Variants in UNC13C observed in about 807,000 individuals in gnomAD.
The protein encoded by UNC13C is protein unc-13 homolog C.
A neutral mutation model predicts 245.4 loss-of-function variants in UNC13C; 174 were observed. That is an observed-to-expected ratio of 0.71 (90% CI 0.63 to 0.80). The LOEUF (loss-of-function observed/expected upper bound fraction) is 0.80. Ranked by LOEUF, UNC13C falls within the 30% of genes least tolerant of loss-of-function variation. The pLI is 0.00. For synonymous variants in UNC13C, 992 were observed against 895.1 expected (o/e 1.11, Z -1.93); for missense variants, 2,829 against 2,602.9 (o/e 1.09, Z -1.89).
chr15:54,123,266 T>C (rs537920438), intron 2 of UNC13C, among the ~76,000 whole-genome samples: 109 of 152,014 alleles, frequency 7.2e-4, no homozygotes, highest in African/African-American at 2.6e-3. Context: ...TCAACTCTTT[T>C]GTCCACTTGT....
In UNC13C at chr15:54,013,585, C is replaced by G. The variant is rs768005304; in HGVS notation, c.682C>G (p.Pro228Ala). ...AAACCCAAAGACAAATGCCCTGGAG[C>G]CAGGGTTCAGTTCCTCTGGCTGCAT... ...VRNPKTNALE[P>A]GFSSSGCISQ... is the part of the protein sequence containing the mutation. Residue 228 changes from proline to alanine, a missense_variant, in exon 2 of 33, where the codon CCA becomes GCA. Transcript: ENST00000260323. 6.2e-7 allele frequency: 1 copy of G among 1,613,512 alleles called. No homozygotes were observed. The highest frequency in any genetic ancestry group is 1.1e-5 in the South Asian group (1 of 91,034).
At chr15:54,528,318 CT>C (rs33919757) in intron 25 of UNC13C, among the ~76,000 whole-genome samples, 68,961 of 140,884 alleles carry the variant, frequency 0.49, 17,164 homozygotes, top group Middle Eastern at 0.67. Flanking sequence ...TGGTTTGCTC[CT>C]TTTTTTTTTT....
At chr15:54,454,126 TA>T (rs1362089207) in intron 19 of UNC13C, among the ~76,000 whole-genome samples, 5 of 151,494 alleles carry the variant, frequency 3.3e-5, no homozygotes, top group Non-Finnish European at 5.9e-5. Context: ...TTTATTGTGA[TA>T]TATATATATA....
intron 17 of UNC13C, among the ~76,000 whole-genome samples, chr15:54,351,473 G>A (rs2038981177): frequency 6.6e-6 from 1 of 152,086 alleles, no homozygotes; most frequent in South Asian, 2.1e-4. Context: ...TTGCCTAATA[G>A]TCTGTATTAT....
At chr15:53,898,378 C>T in the UNC13C span, among the ~76,000 whole-genome samples, 4 of 151,796 alleles carry the variant, frequency 2.6e-5, no homozygotes, top group African/African-American at 9.7e-5. Context: ...CTAACTGATT[C>T]TAAAAGTCTA....
At chr15:54,345,884 A>C (rs1367648234) in intron 17 of UNC13C, among the ~76,000 whole-genome samples, 1 of 152,146 alleles carries the variant, frequency 6.6e-6, no homozygotes, top group Non-Finnish European at 1.5e-5. Flanking sequence ...GATTCAGTAC[A>C]TTAAACTCCA....
intron 4 of UNC13C, among the ~76,000 whole-genome samples, chr15:54,216,772 C>A (rs549733481): frequency 1.2e-4 from 19 of 152,060 alleles, no homozygotes; most frequent in African/African-American, 4.6e-4. Context: ...TTTTCCCTTG[C>A]CTCACAAGCG....
the UNC13C span, among the ~76,000 whole-genome samples, chr15:53,928,510 T>A: frequency 6.6e-6 from 1 of 152,300 alleles, no homozygotes; most frequent in African/African-American, 2.4e-5. Flanking sequence ...CTGCAGAGAT[T>A]TTGTTTATGG....
the UNC13C span, among the ~76,000 whole-genome samples, chr15:53,961,581 G>A: frequency 6.6e-6 from 1 of 152,168 alleles, no homozygotes; most frequent in African/African-American, 2.4e-5. Flanking sequence ...TTTTCTTACT[G>A]TGTGACCTCT....
At chr15:54,570,638 T>C (rs1897712704) in intron 30 of UNC13C, among the ~76,000 whole-genome samples, 1 of 152,222 alleles carries the variant, frequency 6.6e-6, no homozygotes, top group South Asian at 2.1e-4. Context: ...TCAATATTCA[T>C]GACCATAGAC....
chr15:54,603,934 T>G (rs1318443032), intron 30 of UNC13C, among the ~76,000 whole-genome samples: 1 of 152,158 alleles, frequency 6.6e-6, no homozygotes, highest in East Asian at 1.9e-4. Flanking sequence ...TTTTTCCTCC[T>G]ACCTGACTGA....
In UNC13C at chr15:54,606,138, T is replaced by A. The variant is rs546817164; in HGVS notation, c.6107-16189T>A. On this transcript the variant is annotated intron_variant, in intron 30 of 32. Coordinates refer to ENST00000260323, the MANE Select transcript of UNC13C (RefSeq NM_001080534.3). ...AAGTATAAAAGAAAAGTACAATTAGTGAGCAAACATTCTATTACTTGTCGT... is the reference window on the plus strand; with the variant it reads ...AAGTATAAAAGAAAAGTACAATTAGAGAGCAAACATTCTATTACTTGTCGT... 2.0e-5 allele frequency among the ~76,000 whole-genome samples: 3 copies of A among 152,346 alleles called. No individual in the cohort carries two copies. The South Asian group carries it at 6.2e-4, about 32-fold the overall frequency.
chr15:54,449,588 T>G (rs561188953), intron 19 of UNC13C, among the ~76,000 whole-genome samples: 1 of 152,348 alleles, frequency 6.6e-6, no homozygotes, highest in South Asian at 2.1e-4. Flanking sequence ...GCTTGTGCAT[T>G]CATCACATAG....
chr15:54,141,243 C>T (rs562618409), intron 2 of UNC13C, among the ~76,000 whole-genome samples: 2 of 151,758 alleles, frequency 1.3e-5, no homozygotes, highest in South Asian at 2.1e-4. Context: ...AATAGTTTTC[C>T]ATGTGATTTT....
rs554044074 is a variant in UNC13C, at chr15:54,493,923, T to C, written c.4934-685T>C. Among the ~76,000 whole-genome samples, 3 of 152,174 alleles carry C rather than the reference T, an allele frequency of 2.0e-5. No individual in the cohort carries two copies. In the East Asian group the frequency reaches 5.8e-4, roughly 29 times the overall value. ...GAAAAAAATGCCACATATTAGGAAA[T>C]CCTGCTAAGAATGTATCAAAAAAGC... On this transcript the variant is annotated intron_variant, in intron 19 of 32. Transcript: ENST00000260323.
intron 11 of UNC13C, among the ~76,000 whole-genome samples, chr15:54,294,688 T>C (rs1452779446): frequency 6.6e-6 from 1 of 152,146 alleles, no homozygotes; most frequent in Non-Finnish European, 1.5e-5. Flanking sequence ...GATTTAATAG[T>C]AGTAAAATAT....
In UNC13C at chr15:54,164,039, G is replaced by A. The variant is rs2033072977; in HGVS notation, c.3071+20355G>A. ...TTGTAGATGCTCTTACAGAAAAAAA[G>A]GGTAACTCTGCAAAATGATGCTTGT... On this transcript the variant is annotated intron_variant, in intron 4 of 32. Transcript: ENST00000260323. Among the ~76,000 whole-genome samples, 6 of 152,078 alleles carry A rather than the reference G, an allele frequency of 3.9e-5. 1 individual carries two copies. The highest frequency in any genetic ancestry group is 3.3e-4 in the Admixed American group (5 of 15,278).
At chr15:54,414,549 A>G (rs2040479448) in intron 18 of UNC13C, among the ~76,000 whole-genome samples, 1 of 152,270 alleles carries the variant, frequency 6.6e-6, no homozygotes, top group African/African-American at 2.4e-5. Flanking sequence ...TGGGAGGCTG[A>G]GGCAGGAGAA....
chr15:54,327,950 C>T (rs1438790875), intron 14 of UNC13C, among the ~76,000 whole-genome samples: 1 of 151,902 alleles, frequency 6.6e-6, no homozygotes, highest in African/African-American at 2.4e-5. Context: ...TGTGAAGGGG[C>T]AGAAAAAGAA....
Sources: gnomAD v4.1 joint callset for allele counts (sites outside exome capture counted in the v4.1 genomes callset) on GRCh38, gnomAD v4.1.1 for gene constraint, MANE v1.5 for transcripts, NCBI Gene and HGNC (gene_info 2026-07-23, HGNC 2026-07-21) for gene names.